ERCC6L2: variants seen among roughly 807,000 people sequenced by gnomAD.
ERCC6L2 encodes the protein DNA excision repair protein ERCC-6-like 2.
In ERCC6L2, 77 loss-of-function variants were observed where a neutral mutation model predicts 132.0. The ratio of observed to expected loss-of-function variants is 0.58; its 90% confidence interval spans 0.49 to 0.71. The LOEUF is 0.71. ERCC6L2 is among the 30% of genes least tolerant of loss of function. ERCC6L2 has a pLI of 0.00. For missense variants in ERCC6L2, 1,542 were observed against 1,837.6 expected (o/e 0.84, Z 2.94); for synonymous variants, 583 against 632.4 (o/e 0.92, Z 1.17).
Position 95,889,008 on chromosome 9 carries a change from G to A in ERCC6L2, c.471+7715G>A, listed in dbSNP as rs555855971. ...TTTCAACTTAAGTTTTTCGGGGGTG[G>A]GTGGATAAGTAGTGTTAAGAGGTAG... On this transcript the variant is annotated intron_variant, in intron 2 of 18. Coordinates refer to ENST00000653738, the MANE Select transcript of ERCC6L2 (RefSeq NM_020207.7). 7.4e-4 allele frequency among the ~76,000 whole-genome samples: 112 copies of A among 152,112 alleles called. 2 individuals carry two copies. Among genetic ancestry groups the A allele is most frequent in the Admixed American group, 2.4e-3 (37 of 15,278 alleles).
intron 4 of ERCC6L2, among the ~76,000 whole-genome samples, chr9:95,915,023 T>C (rs1829514649): frequency 6.6e-6 from 1 of 152,212 alleles, no homozygotes; most frequent in African/African-American, 2.4e-5. Flanking sequence ...TTGTAGTCAA[T>C]ATTTGTAACA....
intron 7 of ERCC6L2, among the ~76,000 whole-genome samples, chr9:95,921,778 G>A (rs1829879930): frequency 6.6e-6 from 1 of 151,854 alleles, no homozygotes; most frequent in South Asian, 2.1e-4. Flanking sequence ...CTAACCTTTT[G>A]TTTATATTTC....
Position 96,015,349 on chromosome 9 carries a change from C to G in ERCC6L2, c.*2146C>G, listed in dbSNP as rs1834163069. Among the ~76,000 whole-genome samples, 1 of 151,914 alleles carries G rather than the reference C, an allele frequency of 6.6e-6. No individual in the cohort carries two copies. ...TACAGGTGCGTGCCACCACGCCCAG[C>G]TAATTTTTTTGTGTTTTTAGTAGGG... is the stretch of plus-strand genomic sequence containing the variant. On this transcript the variant is annotated 3_prime_UTR_variant, in exon 19 of 19. Transcript: ENST00000653738.
At chr9:95,938,249 T>G (rs1830643607) in intron 11 of ERCC6L2, among the ~76,000 whole-genome samples, 1 of 152,084 alleles carries the variant, frequency 6.6e-6, no homozygotes, top group Admixed American at 6.6e-5. Flanking sequence ...TTTAAATTTG[T>G]TGAGGTTTGT....
At chr9:95,918,885 T>TG (rs1359190879) in intron 6 of ERCC6L2, among the ~76,000 whole-genome samples, 1 of 152,106 alleles carries the variant, frequency 6.6e-6, no homozygotes, top group African/African-American at 2.4e-5. Context: ...TTTTTTTTTT[T>TG]AAGACGGAGT....
intron 18 of ERCC6L2, among the ~76,000 whole-genome samples, chr9:96,007,619 C>A (rs1316921762): frequency 6.6e-6 from 1 of 152,146 alleles, no homozygotes; most frequent in Non-Finnish European, 1.5e-5. Flanking sequence ...GATGCAAGAG[C>A]CTTGCCTTGC....
intron 19 of ERCC6L2, among the ~76,000 whole-genome samples, chr9:96,036,763 A>AT (rs201535314): frequency 1.0e-4 from 14 of 137,646 alleles, no homozygotes; most frequent in African/African-American, 2.7e-4. Context: ...TATTATTATT[A>AT]TTTTTATTTA....
chr9:96,001,001 T>G (rs1833651529), intron 17 of ERCC6L2, among the ~76,000 whole-genome samples: 1 of 151,914 alleles, frequency 6.6e-6, no homozygotes, highest in African/African-American at 2.4e-5. Context: ...TTCCTTCTGG[T>G]GGGTTCATGG....
At chr9:95,968,197 T>C (rs1271433281) in intron 14 of ERCC6L2, 1 of 152,190 alleles carries the variant, frequency 6.6e-6, no homozygotes, top group Non-Finnish European at 1.5e-5. Context: ...GAATATCTTG[T>C]TTCACCTTCA....
intron 1 of ERCC6L2, among the ~76,000 whole-genome samples, chr9:95,880,286 GA>G (rs1827519539): frequency 1.3e-5 from 2 of 152,122 alleles, no homozygotes; most frequent in Admixed American, 1.3e-4. Context: ...GCAGTGAAAA[GA>G]AACAGCTGTT....
In ERCC6L2 at chr9:96,014,678, G is replaced by A. The variant is rs918510782; in HGVS notation, c.*1475G>A. 7 of 152,160 alleles carry A rather than the reference G, an allele frequency of 4.6e-5. No homozygotes were observed. The highest frequency in any genetic ancestry group is 1.7e-4 in the African/African-American group (7 of 41,428). The allele number at this position is 152,160 out of a possible 1,614,324, so 9.4% of individuals were successfully genotyped here. ...CACAACCCACTGAATTGAATTTCAT[G>A]GCCCATGGTTAAGATCCACAGTGTG... is the stretch of plus-strand genomic sequence containing the variant. On this transcript the variant is annotated 3_prime_UTR_variant, in exon 19 of 19. Coordinates refer to ENST00000653738, the MANE Select transcript of ERCC6L2 (RefSeq NM_020207.7).
intron 13 of ERCC6L2, among the ~76,000 whole-genome samples, chr9:95,963,147 CTGTG>C (rs34128119): frequency 0.16 from 23,513 of 148,428 alleles, 1,962 homozygotes; most frequent in East Asian, 0.24. Flanking sequence ...GTCATCTCGT[CTGTG>C]TGTGTGTGTG....
intron 19 of ERCC6L2, among the ~76,000 whole-genome samples, chr9:96,030,181 C>A (rs1834436732): frequency 6.6e-6 from 1 of 152,116 alleles, no homozygotes; most frequent in Non-Finnish European, 1.5e-5. Flanking sequence ...CCAATCAGCA[C>A]CCTGTAAAAT....
chr9:95,907,855 A>ACACACACACC (rs1268642228), intron 4 of ERCC6L2, among the ~76,000 whole-genome samples: 1 of 103,676 alleles, frequency 9.6e-6, no homozygotes, highest in African/African-American at 3.0e-5. Context: ...ACACACACAC[A>ACACACACACC]CCCCCACACC....
At chr9:95,907,857 C>CACACACACAAACACACACACACACA in intron 4 of ERCC6L2, among the ~76,000 whole-genome samples, 2 of 133,740 alleles carry the variant, frequency 1.5e-5, no homozygotes. Context: ...ACACACACAC[C>CACACACACAAACACACACACACACA]CCCACACCCA....
At chr9:95,978,937 T>C (rs1012176252) in intron 17 of ERCC6L2, among the ~76,000 whole-genome samples, 2 of 152,208 alleles carry the variant, frequency 1.3e-5, no homozygotes, top group African/African-American at 4.8e-5. Context: ...GTAGAATTCC[T>C]CTGAACTATC....
chr9:95,907,855 A>ACC (rs374278292), intron 4 of ERCC6L2, among the ~76,000 whole-genome samples: 44 of 103,760 alleles, frequency 4.2e-4, no homozygotes, highest in Non-Finnish European at 4.5e-4. Flanking sequence ...ACACACACAC[A>ACC]CCCCCACACC....
At chr9:95,904,094 AAATT>A (rs1029920124) in intron 3 of ERCC6L2, among the ~76,000 whole-genome samples, 16 of 151,650 alleles carry the variant, frequency 1.1e-4, no homozygotes, top group Non-Finnish European at 1.6e-4. Flanking sequence ...AGTAGGGTGT[AAATT>A]AATTATGTTA....
chr9:95,997,231 T>A (rs1833502232), intron 17 of ERCC6L2, among the ~76,000 whole-genome samples: 1 of 152,230 alleles, frequency 6.6e-6, no homozygotes, highest in African/African-American at 2.4e-5. Context: ...CATTTCAAAA[T>A]ATCTACATTA....
Sources: gnomAD v4.1 joint callset for allele counts (sites outside exome capture counted in the v4.1 genomes callset) on GRCh38, gnomAD v4.1.1 for gene constraint, MANE v1.5 for transcripts, NCBI Gene and HGNC (gene_info 2026-07-23, HGNC 2026-07-21) for gene names.